The following CHRM3 variants were observed in gnomAD, a reference collection of about 807,000 sequenced individuals.
CHRM3 encodes muscarinic acetylcholine receptor M3.
In CHRM3, 11 loss-of-function variants were observed where a neutral mutation model predicts 41.8. That is an observed-to-expected ratio of 0.26 (90% CI 0.17 to 0.44). The LOEUF (loss-of-function observed/expected upper bound fraction) is 0.44. Ranked by LOEUF, CHRM3 falls within the 20% of genes least tolerant of loss-of-function variation. CHRM3 has a pLI of 1.00. For synonymous variants in CHRM3, 297 were observed against 301.4 expected, an observed-to-expected ratio of 0.99 and a Z score of 0.15; for missense variants, 571 against 745.4, an observed-to-expected ratio of 0.77 and a Z score of 2.72.
chr1:239,419,071 G>A (rs1661726413), intron 1 of CHRM3, among the ~76,000 whole-genome samples: 2 of 152,142 alleles, frequency 1.3e-5, no homozygotes, highest in Non-Finnish European at 2.9e-5. Flanking sequence ...GTAAGGAAAG[G>A]GACAGATCCC....
intron 1 of CHRM3, among the ~76,000 whole-genome samples, chr1:239,448,832 A>AAACAG (rs1206955544): frequency 1.3e-5 from 2 of 152,146 alleles, no homozygotes; most frequent in African/African-American, 4.8e-5. Flanking sequence ...TGCAGCATGA[A>AAACAG]AACAGAGACT....
intron 6 of CHRM3, among the ~76,000 whole-genome samples, chr1:239,883,807 G>A (rs930670102): frequency 6.6e-6 from 1 of 152,170 alleles, no homozygotes; most frequent in Non-Finnish European, 1.5e-5. Context: ...AGAACAAAAT[G>A]TCTCCTGTCT....
At chr1:239,470,438 T>C (rs182891626) in intron 1 of CHRM3, among the ~76,000 whole-genome samples, 5 of 152,096 alleles carry the variant, frequency 3.3e-5, no homozygotes, top group African/African-American at 1.2e-4. Context: ...GTAGAAAAAT[T>C]CACACCCCCC....
chr1:239,832,802 G>A (rs898217279), intron 6 of CHRM3, among the ~76,000 whole-genome samples: 5 of 152,026 alleles, frequency 3.3e-5, no homozygotes, highest in East Asian at 3.8e-4. Context: ...TATTTTGCAC[G>A]TATCGATATT....
intron 3 of CHRM3, among the ~76,000 whole-genome samples, chr1:239,618,643 G>T (rs532268427): frequency 6.6e-6 from 1 of 151,450 alleles, no homozygotes; most frequent in African/African-American, 2.4e-5. Context: ...AGGAGATCGA[G>T]ACCATCCTGG....
At chr1:239,711,042 C>T (rs1210300406) in intron 5 of CHRM3, among the ~76,000 whole-genome samples, 1 of 152,260 alleles carries the variant, frequency 6.6e-6, no homozygotes, top group Admixed American at 6.5e-5. Context: ...CCCACAATAC[C>T]GCCCTGAGTT....
intron 3 of CHRM3, among the ~76,000 whole-genome samples, chr1:239,553,757 G>A (rs564013279): frequency 6.6e-6 from 1 of 152,210 alleles, no homozygotes; most frequent in African/African-American, 2.4e-5. Context: ...TTGCTTCTAT[G>A]ATGGAGATAT....
intron 5 of CHRM3, among the ~76,000 whole-genome samples, chr1:239,807,267 T>C (rs540507753): frequency 2.0e-5 from 3 of 152,292 alleles, no homozygotes; most frequent in South Asian, 4.1e-4. Flanking sequence ...TACATCATTC[T>C]AAATAATTCT....
At chr1:239,435,331 T>TC (rs1193572325) in intron 1 of CHRM3, among the ~76,000 whole-genome samples, 3 of 151,652 alleles carry the variant, frequency 2.0e-5, no homozygotes, top group Admixed American at 6.6e-5. Context: ...GTGCCTGTAG[T>TC]CCAGCTACTC....
At chr1:239,654,148 T>G (rs1057222729) in intron 4 of CHRM3, among the ~76,000 whole-genome samples, 1 of 151,598 alleles carries the variant, frequency 6.6e-6, no homozygotes, top group Admixed American at 6.6e-5. Context: ...AGAATACCTT[T>G]TGGAGAGATG....
At position 239,590,974 on chromosome 1, in the gene CHRM3, A is replaced by G. The variant is rs568726061; in HGVS notation, c.-312-41250A>G. On this transcript the variant is annotated intron_variant, in intron 3 of 6. Coordinates refer to ENST00000676153, the MANE Select transcript of CHRM3 (RefSeq NM_001375978.1). ...AACCTAACACAGTCTTCTAGATCTC[A>G]GTTGGCATTCATGGAAACAGTCTCC... Among the ~76,000 whole-genome samples, 3 of 152,274 alleles carry G rather than the reference A, an allele frequency of 2.0e-5. No homozygotes were observed. The South Asian group carries it at 6.2e-4, about 32-fold the overall frequency.
At chr1:239,500,214 A>G (rs769803615) in intron 2 of CHRM3, among the ~76,000 whole-genome samples, 5 of 152,174 alleles carry the variant, frequency 3.3e-5, no homozygotes, top group Non-Finnish European at 5.9e-5. Context: ...CTTGGAACCA[A>G]CACAAATGTC....
chr1:239,830,634 G>C (rs1252206631), intron 6 of CHRM3, among the ~76,000 whole-genome samples: 1 of 152,192 alleles, frequency 6.6e-6, no homozygotes, highest in East Asian at 1.9e-4. Context: ...AACCCAGGAG[G>C]CGGAGGTTGC....
intron 1 of CHRM3, among the ~76,000 whole-genome samples, chr1:239,453,596 G>A (rs1418257874): frequency 6.6e-5 from 10 of 152,040 alleles, no homozygotes; most frequent in Admixed American, 6.6e-4. Context: ...ATTCCAAAAT[G>A]AATGAACAAG....
rs1047021096 is a variant in CHRM3, at chr1:239,913,972, A to AC, written c.*4752dup. ...TACCACTCTGGTCTGGGCTGAGACC[A>AC]CCCCAAAAAATCATCTAGAGAATCA... On this transcript the variant is annotated 3_prime_UTR_variant, in exon 7 of 7. Coordinates refer to ENST00000676153, the MANE Select transcript of CHRM3 (RefSeq NM_001375978.1). The AC allele has an allele frequency of 1.9e-4, 32 of 166,902 alleles. No individual in the cohort carries two copies. Among genetic ancestry groups the AC allele is most frequent in the African/African-American group, 7.5e-4 (31 of 41,414 alleles). 10.3% of individuals were successfully genotyped at this position (166,902 alleles called of 1,614,324 possible).
At chr1:239,790,161 G>A (rs1029990695) in intron 5 of CHRM3, among the ~76,000 whole-genome samples, 1 of 152,124 alleles carries the variant, frequency 6.6e-6, no homozygotes, top group Non-Finnish European at 1.5e-5. Flanking sequence ...AACTTGTCTT[G>A]TCTCACATGA....
At chr1:239,627,028 C>T (rs1386009541) in intron 3 of CHRM3, among the ~76,000 whole-genome samples, 1 of 135,142 alleles carries the variant, frequency 7.4e-6, no homozygotes, top group Non-Finnish European at 1.6e-5. Context: ...CTGCTTGGTG[C>T]AGAGCTGAGT....
intron 5 of CHRM3, among the ~76,000 whole-genome samples, chr1:239,741,719 C>T (rs907708471): frequency 6.6e-6 from 1 of 152,086 alleles, no homozygotes; most frequent in Non-Finnish European, 1.5e-5. Flanking sequence ...ACACTACACA[C>T]ATATGTACCA....
At chr1:239,477,385 A>G (rs1312678386) in intron 1 of CHRM3, among the ~76,000 whole-genome samples, 1 of 152,206 alleles carries the variant, frequency 6.6e-6, no homozygotes, top group African/African-American at 2.4e-5. Context: ...AGGTTTTTCT[A>G]ACAACGAGAA....
Sources: allele counts gnomAD v4.1 joint callset (sites outside exome capture counted in the v4.1 genomes callset), GRCh38; gene constraint gnomAD v4.1.1; transcripts MANE v1.5; gene names NCBI Gene and HGNC (gene_info 2026-07-23, HGNC 2026-07-21).